Variants in PTPRD observed in about 807,000 individuals in gnomAD.
PTPRD encodes receptor-type tyrosine-protein phosphatase delta.
A neutral mutation model predicts 214.5 loss-of-function variants in PTPRD; 34 were observed. The ratio of observed to expected loss-of-function variants is 0.16; its 90% confidence interval spans 0.12 to 0.21. The LOEUF (loss-of-function observed/expected upper bound fraction) is 0.21. PTPRD is among the 10% of genes least tolerant of loss of function. PTPRD has a pLI of 1.00. For synonymous variants in PTPRD, 1,128 were observed against 845.7 expected, an observed-to-expected ratio of 1.33 and a Z score of -5.79; for missense variants, 2,545 against 2,398.7, an observed-to-expected ratio of 1.06 and a Z score of -1.27.
chr9:9,536,884 C>T (rs1160210301), intron 8 of PTPRD, among the ~76,000 whole-genome samples: 1 of 151,986 alleles, frequency 6.6e-6, no homozygotes, highest in Non-Finnish European at 1.5e-5. Flanking sequence ...TTGGCATATC[C>T]TTTTCAACGA....
chr9:9,096,683 A>T (rs2099784004), intron 10 of PTPRD, among the ~76,000 whole-genome samples: 2 of 152,222 alleles, frequency 1.3e-5, no homozygotes, highest in South Asian at 4.1e-4. Flanking sequence ...ATAGATACAG[A>T]TTAATCACAA....
At chr9:9,256,936 T>C (rs1041786711) in intron 9 of PTPRD, among the ~76,000 whole-genome samples, 1 of 151,980 alleles carries the variant, frequency 6.6e-6, no homozygotes, top group African/African-American at 2.4e-5. Context: ...TTATGCACCA[T>C]CCCCAGAAAA....
chr9:9,832,675 T>G (rs2055284142), intron 5 of PTPRD, among the ~76,000 whole-genome samples: 1 of 151,906 alleles, frequency 6.6e-6, no homozygotes, highest in Admixed American at 6.6e-5. Flanking sequence ...TAAAAAGAGT[T>G]TTTAAAATAA....
At chr9:10,311,913 G>A (rs1162234784) in intron 3 of PTPRD, among the ~76,000 whole-genome samples, 2 of 151,944 alleles carry the variant, frequency 1.3e-5, no homozygotes, top group Non-Finnish European at 2.9e-5. Flanking sequence ...AGATGTCATA[G>A]AGCTTTATTT....
intron 2 of PTPRD, among the ~76,000 whole-genome samples, chr9:10,391,262 G>A (rs2154491089): frequency 6.6e-6 from 1 of 151,886 alleles, no homozygotes; most frequent in South Asian, 2.1e-4. Context: ...ATCAGGATGA[G>A]AGATATTTGA....
intron 10 of PTPRD, among the ~76,000 whole-genome samples, chr9:9,033,918 T>C (rs148888771): frequency 6.6e-6 from 1 of 152,268 alleles, no homozygotes; most frequent in South Asian, 2.1e-4. Context: ...ACAATAGGAT[T>C]GATTAAACAT....
chr9:10,424,813 G>A (rs756358352), intron 2 of PTPRD, among the ~76,000 whole-genome samples: 31 of 151,916 alleles, frequency 2.0e-4, no homozygotes, highest in Non-Finnish European at 3.8e-4. Flanking sequence ...AAAAATGTAA[G>A]AGATACTACT....
Position 10,081,435 on chromosome 9 carries a change from G to A in PTPRD, c.-544-47645C>T, listed in dbSNP as rs149619629. Among the ~76,000 whole-genome samples the A allele has an allele frequency of 2.8e-3, 425 of 152,084 alleles. 1 individual carries two copies. The highest frequency in any genetic ancestry group is 8.6e-3 in the African/African-American group (355 of 41,510). On this transcript the variant is annotated intron_variant, in intron 3 of 45. Transcript: ENST00000381196. ...GTGTGATGATACTAGGAGGTGGAGC[G>A]TTTGGGAGGCAATTAGGTCATGAAG...
chr9:8,959,076 C>A (rs1452368154), intron 11 of PTPRD, among the ~76,000 whole-genome samples: 4 of 152,042 alleles, frequency 2.6e-5, no homozygotes, highest in Non-Finnish European at 2.9e-5. Flanking sequence ...CCAAGACATA[C>A]TTGCTTTCAT....
chr9:10,506,633 T>A (rs962836811), intron 2 of PTPRD, among the ~76,000 whole-genome samples: 1 of 152,024 alleles, frequency 6.6e-6, no homozygotes. Context: ...AATAAAAAAA[T>A]TATATTATTG....
At chr9:8,664,430 G>A (rs917265706) in intron 12 of PTPRD, among the ~76,000 whole-genome samples, 9 of 152,128 alleles carry the variant, frequency 5.9e-5, no homozygotes, top group African/African-American at 1.9e-4. Context: ...GCAAATTGTT[G>A]TTTAAGCACT....
At chr9:9,390,567 AT>A (rs1289574576) in intron 9 of PTPRD, among the ~76,000 whole-genome samples, 1 of 152,180 alleles carries the variant, frequency 6.6e-6, no homozygotes, top group Non-Finnish European at 1.5e-5. Flanking sequence ...AAATTTAAAA[AT>A]GTGTTATTAT....
intron 39 of PTPRD, among the ~76,000 whole-genome samples, chr9:8,355,230 T>C (rs1430082284): frequency 6.6e-6 from 1 of 152,172 alleles, no homozygotes; most frequent in Non-Finnish European, 1.5e-5. Context: ...TCTGATACAC[T>C]GGCTCCCCTT....
intron 5 of PTPRD, among the ~76,000 whole-genome samples, chr9:9,836,628 C>G (rs2056840281): frequency 6.6e-6 from 1 of 152,120 alleles, no homozygotes; most frequent in Non-Finnish European, 1.5e-5. Context: ...CAGAGAGTAA[C>G]ATAGAGAAAA....
At position 9,280,340 on chromosome 9, in the gene PTPRD, C is replaced by T. The variant is rs115926111; in HGVS notation, c.-202-96977G>A. ...AGAAATAAGGAATAGGGAAATATAA[C>T]ATATAACTGAATAACTAAAAATGAT... On this transcript the variant is annotated intron_variant, in intron 9 of 45. Coordinates refer to ENST00000381196, the MANE Select transcript of PTPRD (RefSeq NM_002839.4). 2.9e-3 allele frequency among the ~76,000 whole-genome samples: 440 copies of T among 151,318 alleles called. 1 individual carries two copies. The highest frequency in any genetic ancestry group is 0.01 in the African/African-American group (423 of 41,450).
intron 44 of PTPRD, among the ~76,000 whole-genome samples, chr9:8,330,657 C>T (rs184767499): frequency 2.0e-5 from 3 of 151,916 alleles, no homozygotes; most frequent in African/African-American, 7.2e-5. Flanking sequence ...TAAACCTCAG[C>T]TAAGATAACT....
intron 4 of PTPRD, among the ~76,000 whole-genome samples, chr9:9,999,053 G>T (rs903594141): frequency 4.6e-5 from 7 of 152,192 alleles, no homozygotes; most frequent in African/African-American, 1.7e-4. Flanking sequence ...TAAGTCAGCA[G>T]CAAGGAAGCC....
intron 9 of PTPRD, among the ~76,000 whole-genome samples, chr9:9,251,730 T>G (rs577176053): frequency 1.3e-5 from 2 of 152,212 alleles, no homozygotes; most frequent in East Asian, 3.9e-4. Flanking sequence ...TGGGGTACTT[T>G]GTACATTTGA....
chr9:10,369,943 A>C (rs1352941834), intron 2 of PTPRD, among the ~76,000 whole-genome samples: 3 of 152,152 alleles, frequency 2.0e-5, no homozygotes, highest in Non-Finnish European at 4.4e-5. Flanking sequence ...GCTTAATTAT[A>C]TGCGAGGCAT....
Sources: allele counts gnomAD v4.1 joint callset (sites outside exome capture counted in the v4.1 genomes callset), GRCh38; gene constraint gnomAD v4.1.1; transcripts MANE v1.5; gene names NCBI Gene and HGNC (gene_info 2026-07-23, HGNC 2026-07-21).